DNAJB11: variants seen among roughly 807,000 people sequenced by gnomAD.
DNAJB11 encodes DnaJ heat shock protein family (Hsp40) member B11.
DNAJB11 carries 30 observed loss-of-function variants against 47.2 expected under a neutral mutation model. That is an observed-to-expected ratio of 0.64 (90% CI 0.48 to 0.86). The LOEUF (loss-of-function observed/expected upper bound fraction) is 0.86, where lower values mean the gene tolerates loss of function less well. Ranked by LOEUF, DNAJB11 falls within the 40% of genes least tolerant of loss-of-function variation. The probability of loss-of-function intolerance (pLI) is 0.00; values close to 1 mark genes in which losing one functional copy is unlikely to be tolerated. For synonymous variants in DNAJB11, 151 were observed against 159.9 expected (o/e 0.94, Z 0.42); for missense variants, 357 against 440.2 (o/e 0.81, Z 1.69).
At chr3:186,575,370 T>C (rs200704640) in intron 2 of DNAJB11, among the ~76,000 whole-genome samples, 1,588 of 47,594 alleles carry the variant, frequency 0.033, 33 homozygotes, top group African/African-American at 0.069. Context: ...CGCGCGCGCG[T>C]GTGTGTGTGT....
At chr3:186,584,334 G>A (rs1715596794) in intron 8 of DNAJB11, 96 bp from the exon 9 acceptor site, 2 of 1,244,310 alleles carry the variant, frequency 1.6e-6, no homozygotes, top group Admixed American at 3.2e-5. Context: ...TTGCTGAGCT[G>A]TGACATTAGC....
chr3:186,573,024 G>A (rs1462535831), intron 2 of DNAJB11, among the ~76,000 whole-genome samples: 2 of 152,072 alleles, frequency 1.3e-5, no homozygotes, highest in Admixed American at 6.5e-5. Flanking sequence ...CTCTAATCTG[G>A]GGATCAAAAC....
intron 2 of DNAJB11, among the ~76,000 whole-genome samples, chr3:186,573,246 C>T (rs535029488): frequency 3.8e-4 from 58 of 152,118 alleles, no homozygotes; most frequent in Admixed American, 3.3e-3. Flanking sequence ...AAGACACAAA[C>T]CTTGAAAGGA....
intron 1 of DNAJB11, among the ~76,000 whole-genome samples, chr3:186,571,595 T>C (rs1244545502): frequency 6.6e-6 from 1 of 152,224 alleles, no homozygotes; most frequent in African/African-American, 2.4e-5. Context: ...TTATCTTAAG[T>C]TGCTTCATCT....
chr3:186,583,724 C>T (rs1166094539), intron 7 of DNAJB11, 141 bp from the exon 8 acceptor site: 12 of 633,818 alleles, frequency 1.9e-5, no homozygotes, highest in East Asian at 1.4e-4. Context: ...TTTATATTCT[C>T]GATTAATACT....
rs199514974 is a variant in DNAJB11, at chr3:186,572,137, T to C, written c.111T>C (p.Ser37=). 13 of 1,611,534 alleles carry C rather than the reference T, an allele frequency of 8.1e-6. No individual in the cohort carries two copies. The East Asian group carries it at 2.7e-4, about 33-fold the overall frequency. The part of the protein sequence containing the change: ...YKILGVPRSA[S]IKDIKKAYRK... ...TCTTGGGGGTGCCTCGAAGTGCCTC[T>C]ATAAAGGATATTAAAAAGGCCTATA... The change falls in exon 2 of 10, where the codon TCT becomes TCC. Residue 37 remains serine, a synonymous_variant. Transcript: ENST00000265028.
Position 186,572,230 on chromosome 3 carries a change from G to A in DNAJB11, c.204G>A (p.Gln68=). Residue 68 remains glutamine, a synonymous_variant, in exon 2 of 10, where the codon CAG becomes CAA. Coordinates refer to ENST00000265028, the MANE Select transcript of DNAJB11 (RefSeq NM_016306.6). ...PDDPQAQEKF[Q]DLGAAYEVLS... ...ATCCACAAGCCCAGGAGAAATTCCA[G>A]GATCTGGGTGCTGCTTATGAGGTGA... The A allele has an allele frequency of 1.2e-6, 2 of 1,610,670 alleles. No individual in the cohort carries two copies. Among genetic ancestry groups the A allele is most frequent in the East Asian group, 4.5e-5 (2 of 44,866 alleles).
intron 1 of DNAJB11, 27 bp downstream of exon 1, chr3:186,570,992 G>A: frequency 2.0e-6 from 3 of 1,537,588 alleles, no homozygotes; most frequent in Non-Finnish European, 1.8e-6. Context: ...CGCAGACAAC[G>A]GGGCCTGTGG....
intron 2 of DNAJB11, among the ~76,000 whole-genome samples, chr3:186,575,377 GTGTGTGTGTGTGTGTC>G (rs1290180310): frequency 1.3e-5 from 2 of 151,948 alleles, no homozygotes; most frequent in South Asian, 2.1e-4. Flanking sequence ...GCGTGTGTGT[GTGTGTGTGTGTGTGTC>G]TGTGTGTGTG....
In DNAJB11 at chr3:186,575,826, G is replaced by A; in HGVS notation, c.226-14G>A. On this transcript the variant is annotated splice_polypyrimidine_tract_variant and intron_variant, in intron 2 of 9. Transcript: ENST00000265028. ...CAACTCATGATCTTTTCCTCCACTG[G>A]CTTTTATCCCCAGGTTCTGTCAGAT... is the stretch of plus-strand genomic sequence containing the variant. 1.9e-6 allele frequency: 3 copies of A among 1,600,700 alleles called. No homozygotes were observed. Among genetic ancestry groups the A allele is most frequent in the Non-Finnish European group, 2.6e-6 (3 of 1,168,316 alleles).
chr3:186,573,629 C>T (rs1415032997), intron 2 of DNAJB11, among the ~76,000 whole-genome samples: 2 of 152,126 alleles, frequency 1.3e-5, no homozygotes, highest in African/African-American at 4.8e-5. Flanking sequence ...TCATGATCCA[C>T]CCGCCTCGGC....
intron 2 of DNAJB11, 34 bp from the exon 3 acceptor site, chr3:186,575,806 C>T (rs374465089): frequency 2.9e-5 from 44 of 1,543,154 alleles, no homozygotes; most frequent in Non-Finnish European, 3.7e-5. Context: ...ATTACCAACT[C>T]ATGATCTTTT....
At chr3:186,578,565 T>C (rs917464889) in intron 4 of DNAJB11, 2 of 152,230 alleles carry the variant, frequency 1.3e-5, no homozygotes, top group African/African-American at 4.8e-5. Context: ...TCTTAATTTT[T>C]GCTCATCAAA....
In DNAJB11 at chr3:186,585,344, G is replaced by A. The variant is rs375794345; in HGVS notation, c.1013G>A (p.Gly338Asp). Reference protein sequence around the residue: ...KEQLTEEAREGIKQLLKQGSV... With the variant: ...KEQLTEEAREDIKQLLKQGSV... ...AGTCATTTGTTCATTCTTTCTTCAG[G>A]TATCAAACAGCTACTGAAACAAGGG... Residue 338 changes from glycine to aspartate, a missense_variant and splice_region_variant, in exon 10 of 10, where the codon GGT becomes GAT. Physicochemically the swap from Gly to Asp is moderately conservative, Grantham distance 94. Coordinates refer to ENST00000265028, the MANE Select transcript of DNAJB11 (RefSeq NM_016306.6). 1.9e-6 allele frequency: 3 copies of A among 1,610,196 alleles called. No individual in the cohort carries two copies. In the African/African-American group the frequency reaches 4.0e-5, roughly 22 times the overall value.
intron 1 of DNAJB11, among the ~76,000 whole-genome samples, chr3:186,571,523 C>G (rs988002226): frequency 1.3e-5 from 2 of 152,122 alleles, no homozygotes; most frequent in Non-Finnish European, 2.9e-5. Flanking sequence ...AAATTGGATG[C>G]GGGATGGGAA....
intron 1 of DNAJB11, 44 bp downstream of exon 1, chr3:186,571,009 C>G: frequency 5.4e-6 from 2 of 369,226 alleles, no homozygotes; most frequent in Non-Finnish European, 1.0e-5. Context: ...GTGGGTCAGC[C>G]TTTGCTGGGG....
At chr3:186,585,007 G>C (rs966021369) in intron 9 of DNAJB11, among the ~76,000 whole-genome samples, 1 of 152,244 alleles carries the variant, frequency 6.6e-6, no homozygotes, top group East Asian at 1.9e-4. Flanking sequence ...AGCAATGAAG[G>C]AGGTAAAAAC....
intron 3 of DNAJB11, among the ~76,000 whole-genome samples, chr3:186,577,164 A>G (rs1306707235): frequency 2.0e-5 from 3 of 152,238 alleles, no homozygotes; most frequent in African/African-American, 7.2e-5. Context: ...ATTTTTGTGT[A>G]GAGCAGTAGC....
Position 186,582,734 on chromosome 3 carries a change from G to C in DNAJB11, c.701G>C (p.Gly234Ala), listed in dbSNP as rs1262744321. 2 of 1,591,766 alleles carry C rather than the reference G, an allele frequency of 1.3e-6. No individual in the cohort carries two copies. The highest frequency in any genetic ancestry group is 1.7e-6 in the Non-Finnish European group (2 of 1,167,804). The change falls in exon 7 of 10, where the codon GGG becomes GCG. Residue 234 changes from glycine to alanine, a missense_variant. Physicochemically the swap from Gly to Ala is moderately conservative, Grantham distance 60. Transcript: ENST00000265028. ...TGACTAGGTGAGCCTCACGTGGATG[G>C]GGAGCCTGGAGATTTACGGTTCCGA... The part of the protein sequence containing the change: ...FIGEGEPHVD[G>A]EPGDLRFRIK...
Sources: allele counts gnomAD v4.1 joint callset (sites outside exome capture counted in the v4.1 genomes callset), GRCh38; gene constraint gnomAD v4.1.1; transcripts MANE v1.5; gene names NCBI Gene and HGNC (gene_info 2026-07-23, HGNC 2026-07-21).